MEF2A: variants seen among roughly 807,000 people sequenced by gnomAD.
MEF2A encodes myocyte enhancer factor 2A, also known as myocyte-specific enhancer factor 2A.
MEF2A carries 28 observed loss-of-function variants against 55.8 expected under a neutral mutation model. That is an observed-to-expected ratio of 0.50 (90% CI 0.37 to 0.69). The LOEUF is 0.69. Ranked by LOEUF, MEF2A falls within the 30% of genes least tolerant of loss-of-function variation. The pLI is 0.00. For synonymous variants in MEF2A, 239 were observed against 227.1 expected (o/e 1.05, Z -0.47); for missense variants, 528 against 626.2 (o/e 0.84, Z 1.67).
intron 8 of MEF2A, among the ~76,000 whole-genome samples, chr15:99,695,717 G>A (rs889692769): frequency 6.6e-6 from 1 of 152,020 alleles, no homozygotes; most frequent in African/African-American, 2.4e-5. Context: ...GAATTAGCTG[G>A]GCATGGTAGC....
intron 2 of MEF2A, among the ~76,000 whole-genome samples, chr15:99,624,169 T>C (rs148350037): frequency 1.8e-4 from 27 of 152,372 alleles, no homozygotes; most frequent in African/African-American, 6.5e-4. Context: ...TGCCGTTTGA[T>C]GCACAGAAGT....
chr15:99,685,209 T>G (rs2053993295), intron 7 of MEF2A, among the ~76,000 whole-genome samples: 2 of 152,212 alleles, frequency 1.3e-5, no homozygotes, highest in Admixed American at 6.5e-5. Flanking sequence ...TTAGGATTTT[T>G]TTCCCCCCTA....
At position 99,712,859 on chromosome 15, in the gene MEF2A, A is replaced by G. The variant is rs950337300; in HGVS notation, c.*88A>G. 3 of 1,345,234 alleles carry G rather than the reference A, an allele frequency of 2.2e-6. No homozygotes were observed. The highest frequency in any genetic ancestry group is 3.0e-6 in the Non-Finnish European group (3 of 987,160). The allele number at this position is 1,345,234 out of a possible 1,614,324, so 83.3% of individuals were successfully genotyped here. ...CGGTAAATAAGGACATGAGTTAAAT[A>G]TATTTATATGTACATACATATATAT... On this transcript the variant is annotated 3_prime_UTR_variant, in exon 12 of 12. Transcript: ENST00000557942. This position sits in a 1 kb window ranked among gnomAD's most constrained non-coding sequence, Gnocchi z 4.1.
chr15:99,589,485 G>A (rs1035526365), intron 1 of MEF2A, among the ~76,000 whole-genome samples: 4 of 151,914 alleles, frequency 2.6e-5, no homozygotes, highest in African/African-American at 7.3e-5. Flanking sequence ...TATCTAGTTT[G>A]TCCCACATCT....
At chr15:99,644,753 TAA>T (rs1243640657) in intron 3 of MEF2A, among the ~76,000 whole-genome samples, 2 of 152,184 alleles carry the variant, frequency 1.3e-5, no homozygotes, top group African/African-American at 4.8e-5. Context: ...GAGCAGAAAG[TAA>T]AGAGAGTTCC....
chr15:99,596,788 G>A (rs951677334), intron 1 of MEF2A, among the ~76,000 whole-genome samples: 2 of 152,194 alleles, frequency 1.3e-5, no homozygotes, highest in Non-Finnish European at 2.9e-5. Flanking sequence ...AGCAGGGCTG[G>A]ATTATTGTTT....
intron 1 of MEF2A, among the ~76,000 whole-genome samples, chr15:99,581,955 C>A (rs1966065325): frequency 6.6e-6 from 1 of 152,030 alleles, no homozygotes. Context: ...TTGTTGGACA[C>A]AGTTTGGCTA....
chr15:99,643,394 C>CT (rs1322290807), intron 3 of MEF2A, among the ~76,000 whole-genome samples: 1 of 152,078 alleles, frequency 6.6e-6, no homozygotes, highest in Non-Finnish European at 1.5e-5. Flanking sequence ...TGCTTTGTGA[C>CT]TTGTTATATT....
intron 1 of MEF2A, among the ~76,000 whole-genome samples, chr15:99,597,923 T>C (rs1045605793): frequency 6.6e-6 from 1 of 152,198 alleles, no homozygotes; most frequent in Admixed American, 6.5e-5. Flanking sequence ...CTTTAAAATA[T>C]AGCTAGCTAG....
In MEF2A at chr15:99,674,415, T is replaced by C. The variant is rs1470745947; in HGVS notation, c.413T>C (p.Phe138Ser). 1 of 1,611,324 alleles carries C rather than the reference T, an allele frequency of 6.2e-7. No homozygotes were observed. The highest frequency in any genetic ancestry group is 8.5e-7 in the Non-Finnish European group (1 of 1,177,822). ...RGPPGLPPQN[F>S]SMSVTVPVTS... Reference sequence around the variant, plus strand: ...CAGCCTGGTCTGCCACCTCAGAACTTTTCAATGTCTGTCACAGTTCCAGTG... The same window carrying C: ...CAGCCTGGTCTGCCACCTCAGAACTCTTCAATGTCTGTCACAGTTCCAGTG... Residue 138 changes from phenylalanine to serine, a missense_variant, in exon 6 of 12, where the codon TTT (phenylalanine) becomes TCT (serine). Physicochemically the swap from Phe to Ser is radical, Grantham distance 155. This residue lies in a region of MEF2A where 450 missense variants were observed against 475.3 expected (regional missense o/e 0.95). Transcript: ENST00000557942.
At chr15:99,674,370 T>C (rs1301053962) in intron 5 of MEF2A, 23 bp from the exon 6 acceptor site, 8 of 1,574,464 alleles carry the variant, frequency 5.1e-6, no homozygotes, top group Non-Finnish European at 6.9e-6. Flanking sequence ...AACAGTTTTT[T>C]CCTTCTTTTT....
rs1345637556 is a variant in MEF2A, at chr15:99,653,139, G to A, written c.258+7375G>A. ...AGTTCATTTAGGGCAGAAGATACTA[G>A]GTGCTTCCCGTGTTTCTCAATGTTC... On this transcript the variant is annotated intron_variant, in intron 4 of 11. Transcript: ENST00000557942. Among the ~76,000 whole-genome samples the A allele has an allele frequency of 2.0e-5, 3 of 152,276 alleles. No individual in the cohort carries two copies. The East Asian group carries it at 5.8e-4, about 29-fold the overall frequency.
chr15:99,680,758 A>G (rs2053084497), intron 7 of MEF2A, among the ~76,000 whole-genome samples: 1 of 152,186 alleles, frequency 6.6e-6, no homozygotes, highest in African/African-American at 2.4e-5. Flanking sequence ...GAAAAATCCA[A>G]AGAGATTATA....
At chr15:99,623,772 G>A (rs2041624863) in intron 2 of MEF2A, among the ~76,000 whole-genome samples, 1 of 149,678 alleles carries the variant, frequency 6.7e-6, no homozygotes, top group African/African-American at 2.4e-5. Flanking sequence ...ATATATTCTG[G>A]ATATTAATCT....
intron 2 of MEF2A, among the ~76,000 whole-genome samples, chr15:99,623,716 C>A (rs2041614022): frequency 6.6e-6 from 1 of 151,452 alleles, no homozygotes. Flanking sequence ...CTATTCAAGT[C>A]CTTTGCCCAT....
At chr15:99,675,371 C>G (rs1278492301) in intron 6 of MEF2A, 28 bp from the exon 7 acceptor site, 2 of 1,601,348 alleles carry the variant, frequency 1.2e-6, no homozygotes, top group East Asian at 4.5e-5. Flanking sequence ...ATTCTCTGCC[C>G]TCTGTCTTCT....
intron 7 of MEF2A, among the ~76,000 whole-genome samples, chr15:99,683,034 A>G (rs1159459868): frequency 6.6e-6 from 1 of 152,242 alleles, no homozygotes; most frequent in Admixed American, 6.5e-5. Context: ...AAATTATTTA[A>G]TAAACATTTT....
intron 3 of MEF2A, among the ~76,000 whole-genome samples, chr15:99,637,676 T>C (rs2044122143): frequency 6.6e-6 from 1 of 152,034 alleles, no homozygotes; most frequent in Non-Finnish European, 1.5e-5. Context: ...GGAGTCTCGC[T>C]CTGTCGCCCA....
At chr15:99,701,778 T>C (rs577493732) in intron 8 of MEF2A, among the ~76,000 whole-genome samples, 328 of 152,314 alleles carry the variant, frequency 2.2e-3, no homozygotes, top group African/African-American at 7.4e-3. Context: ...AAATGGCATT[T>C]AGGATGGTCC....
Sources: gnomAD v4.1 joint callset for allele counts (sites outside exome capture counted in the v4.1 genomes callset) on GRCh38, gnomAD v4.1.1 for gene constraint, gnomAD v4.1.1 regional missense constraint, Gnocchi (gnomAD v3.1) non-coding constraint, MANE v1.5 for transcripts, NCBI Gene and HGNC (gene_info 2026-07-23, HGNC 2026-07-21) for gene names.